The following CNTLN variants were observed in gnomAD, a reference collection of about 807,000 sequenced individuals.
The protein encoded by CNTLN is centlein.
Under a neutral mutation model 180.0 loss-of-function variants are expected in CNTLN, and 212 were observed. The observed-to-expected ratio is 1.18, with a 90% confidence interval of 1.05 to 1.32. CNTLN has a LOEUF of 1.32. Ranked by LOEUF, CNTLN falls within the 40% of genes most tolerant of loss-of-function variation. CNTLN has a pLI of 0.00. For missense variants in CNTLN, 2,095 were observed against 1,610.9 expected, an observed-to-expected ratio of 1.30 and a Z score of -5.14; for synonymous variants, 722 against 563.1, an observed-to-expected ratio of 1.28 and a Z score of -3.99.
the CNTLN span, among the ~76,000 whole-genome samples, chr9:17,527,660 G>A: frequency 2.0e-5 from 3 of 152,160 alleles, no homozygotes; most frequent in African/African-American, 7.2e-5. Context: ...AGCTGAGACA[G>A]CCTGGAGGTA....
intron 2 of CNTLN, among the ~76,000 whole-genome samples, chr9:17,164,820 CT>C (rs1045555356): frequency 3.4e-5 from 5 of 147,176 alleles, no homozygotes; most frequent in East Asian, 4.0e-4. Flanking sequence ...GAACATTTTT[CT>C]TTTTTTTTCT....
chr9:17,485,384 A>C (rs7048027), intron 24 of CNTLN, among the ~76,000 whole-genome samples: 6,618 of 152,184 alleles, frequency 0.043, 464 homozygotes, highest in African/African-American at 0.15. Context: ...ATAATAGTTA[A>C]AAGGAATCCT....
chr9:17,477,700 G>C (rs1345215977), intron 23 of CNTLN, among the ~76,000 whole-genome samples: 1 of 152,212 alleles, frequency 6.6e-6, no homozygotes, highest in East Asian at 1.9e-4. Flanking sequence ...AAATCTGAAT[G>C]GATGAGGAGT....
At chr9:17,469,323 C>T (rs1044422144) in intron 23 of CNTLN, among the ~76,000 whole-genome samples, 28 of 151,708 alleles carry the variant, frequency 1.8e-4, no homozygotes, top group African/African-American at 6.8e-4. Flanking sequence ...TTTTTCTTAA[C>T]CGTGTCTTAG....
intron 8 of CNTLN, among the ~76,000 whole-genome samples, chr9:17,325,714 G>A (rs2133075042): frequency 6.6e-6 from 1 of 151,958 alleles, no homozygotes; most frequent in Non-Finnish European, 1.5e-5. Context: ...GACAGGTTTG[G>A]AATTCGTAAA....
intron 19 of CNTLN, among the ~76,000 whole-genome samples, chr9:17,459,812 A>C (rs2134172785): frequency 6.6e-6 from 1 of 151,858 alleles, no homozygotes; most frequent in Non-Finnish European, 1.5e-5. Flanking sequence ...AGACTGAATT[A>C]GATTCCACCC....
intron 18 of CNTLN, among the ~76,000 whole-genome samples, chr9:17,453,005 CA>C (rs1224231417): frequency 6.6e-6 from 1 of 151,604 alleles, no homozygotes; most frequent in Non-Finnish European, 1.5e-5. Flanking sequence ...TGAAAAAGAA[CA>C]AAAAAAATTA....
At chr9:17,487,550 T>C (rs1832953389) in intron 25 of CNTLN, among the ~76,000 whole-genome samples, 4 of 152,130 alleles carry the variant, frequency 2.6e-5, no homozygotes, top group Admixed American at 2.6e-4. Context: ...TACTGAGACC[T>C]CGAGCAGCTT....
intron 2 of CNTLN, among the ~76,000 whole-genome samples, chr9:17,148,905 G>A (rs1016703056): frequency 2.6e-5 from 4 of 152,100 alleles, no homozygotes; most frequent in African/African-American, 9.7e-5. Context: ...GTGCCCTAGT[G>A]GTTTGCTGCA....
At chr9:17,320,492 TTTTGTTTG>T (rs144263085) in intron 8 of CNTLN, among the ~76,000 whole-genome samples, 13 of 150,694 alleles carry the variant, frequency 8.6e-5, no homozygotes, top group Non-Finnish European at 1.3e-4. Flanking sequence ...TTCCAATGCC[TTTTGTTTG>T]TTTGTTTGTT....
chr9:17,434,697 A>G (rs1201537220), intron 18 of CNTLN, among the ~76,000 whole-genome samples: 3 of 152,132 alleles, frequency 2.0e-5, no homozygotes, highest in African/African-American at 7.2e-5. Flanking sequence ...CTGCTGTTGA[A>G]TAGAGTGTTT....
chr9:17,236,679 T>C, intron 5 of CNTLN, 91 bp downstream of exon 5: 1 of 1,006,448 alleles, frequency 9.9e-7, no homozygotes, highest in South Asian at 1.8e-5. Context: ...ACAACTTATA[T>C]ATTCATATCC....
intron 2 of CNTLN, among the ~76,000 whole-genome samples, chr9:17,170,719 TCATC>T (rs1322221311): frequency 6.6e-6 from 1 of 152,170 alleles, no homozygotes; most frequent in Non-Finnish European, 1.5e-5. Flanking sequence ...TATCATTTAA[TCATC>T]CATCTGTGTT....
intron 2 of CNTLN, among the ~76,000 whole-genome samples, chr9:17,150,500 A>G (rs933292568): frequency 3.3e-5 from 5 of 152,130 alleles, no homozygotes; most frequent in African/African-American, 1.2e-4. Flanking sequence ...ATTCTGTTCC[A>G]TTGGTCTATA....
intron 2 of CNTLN, among the ~76,000 whole-genome samples, chr9:17,144,377 C>T (rs1034408731): frequency 6.6e-6 from 1 of 152,112 alleles, no homozygotes; most frequent in Non-Finnish European, 1.5e-5. Context: ...CTTCCTCAAT[C>T]ATTTTTGAGA....
chr9:17,290,382 G>T (rs1184432980), intron 6 of CNTLN, among the ~76,000 whole-genome samples: 5 of 149,546 alleles, frequency 3.3e-5, no homozygotes, highest in Non-Finnish European at 5.9e-5. Flanking sequence ...ATCTCCAGCT[G>T]CGTGCTGGGA....
At chr9:17,195,576 T>C (rs538506501) in intron 2 of CNTLN, among the ~76,000 whole-genome samples, 2 of 152,332 alleles carry the variant, frequency 1.3e-5, no homozygotes, top group African/African-American at 4.8e-5. Flanking sequence ...TGTATACTTA[T>C]AGGTACTTAA....
At chr9:17,527,662 C>T in the CNTLN span, among the ~76,000 whole-genome samples, 1 of 152,028 alleles carries the variant, frequency 6.6e-6, no homozygotes, top group Non-Finnish European at 1.5e-5. Flanking sequence ...CTGAGACAGC[C>T]TGGAGGTAAA....
intron 16 of CNTLN, among the ~76,000 whole-genome samples, chr9:17,414,412 C>T (rs1329396695): frequency 6.6e-6 from 1 of 151,964 alleles, no homozygotes; most frequent in Non-Finnish European, 1.5e-5. Flanking sequence ...AATTTGATAC[C>T]AAATCTGGTG....
Sources: gnomAD v4.1 joint callset for allele counts (sites outside exome capture counted in the v4.1 genomes callset) on GRCh38, gnomAD v4.1.1 for gene constraint, MANE v1.5 for transcripts, NCBI Gene and HGNC (gene_info 2026-07-23, HGNC 2026-07-21) for gene names.